PTPRD: variants seen among roughly 807,000 people sequenced by gnomAD.
PTPRD encodes receptor-type tyrosine-protein phosphatase delta.
Under a neutral mutation model 214.5 loss-of-function variants are expected in PTPRD, and 34 were observed. The ratio of observed to expected loss-of-function variants is 0.16; its 90% CI spans 0.12 to 0.21. The LOEUF is 0.21. PTPRD is among the 10% of genes least tolerant of loss of function. PTPRD has a pLI of 1.00. For synonymous variants in PTPRD, 1,128 were observed against 845.7 expected (o/e 1.33, Z -5.79); for missense variants, 2,545 against 2,398.7 (o/e 1.06, Z -1.27).
chr9:8,824,100 G>C (rs1158906252), intron 11 of PTPRD, among the ~76,000 whole-genome samples: 2 of 152,150 alleles, frequency 1.3e-5, no homozygotes, highest in Non-Finnish European at 2.9e-5. Context: ...GTTTTGGCTG[G>C]CTCCTTTACT....
chr9:10,396,739 A>G (rs1300583297), intron 2 of PTPRD, among the ~76,000 whole-genome samples: 1 of 152,014 alleles, frequency 6.6e-6, no homozygotes, highest in African/African-American at 2.4e-5. Context: ...AGTATACATA[A>G]CAATTGCCTG....
At chr9:9,409,643 A>T (rs1158114815) in intron 8 of PTPRD, among the ~76,000 whole-genome samples, 1 of 152,024 alleles carries the variant, frequency 6.6e-6, no homozygotes, top group Non-Finnish European at 1.5e-5. Context: ...AAGCAAAGGA[A>T]CCCACCATAA....
intron 5 of PTPRD, among the ~76,000 whole-genome samples, chr9:9,901,090 G>C (rs180997714): frequency 6.6e-6 from 1 of 152,264 alleles, no homozygotes; most frequent in Admixed American, 6.5e-5. Flanking sequence ...TCTTCAGAAA[G>C]CTTACAGTCA....
At chr9:8,958,505 G>T (rs777153876) in intron 11 of PTPRD, among the ~76,000 whole-genome samples, 1 of 151,922 alleles carries the variant, frequency 6.6e-6, no homozygotes, top group African/African-American at 2.4e-5. Flanking sequence ...GCAATGTGAT[G>T]GCCCAGAAGA....
intron 11 of PTPRD, among the ~76,000 whole-genome samples, chr9:8,929,872 T>C: frequency 1.2e-5 from 1 of 81,990 alleles, no homozygotes; most frequent in South Asian, 4.4e-4. Context: ...TATACATGTG[T>C]GTGTATATAT....
intron 4 of PTPRD, among the ~76,000 whole-genome samples, chr9:9,999,939 A>G (rs1170471595): frequency 1.3e-5 from 2 of 152,182 alleles, no homozygotes; most frequent in Non-Finnish European, 2.9e-5. Context: ...GTTTAGAGAA[A>G]GAATGTTTAG....
At position 10,136,450 on chromosome 9, in the gene PTPRD, G is replaced by T. The variant is rs373210069; in HGVS notation, c.-544-102660C>A. Among the ~76,000 whole-genome samples, 3 of 152,048 alleles carry T rather than the reference G, an allele frequency of 2.0e-5. No individual in the cohort carries two copies. In the East Asian group the frequency reaches 5.8e-4, roughly 29 times the overall value. ...TACACAGTCTTTTAATCTGCACTCA[G>T]AACATACTCTAAGATCAGTCACAGG... On this transcript the variant is annotated intron_variant, in intron 3 of 45. Transcript: ENST00000381196.
intron 3 of PTPRD, among the ~76,000 whole-genome samples, chr9:10,067,183 C>A (rs1008868306): frequency 6.6e-6 from 1 of 151,856 alleles, no homozygotes; most frequent in Non-Finnish European, 1.5e-5. Flanking sequence ...ATCCTATGTT[C>A]CTACCAATTT....
At chr9:9,678,300 G>C (rs1046609799) in intron 7 of PTPRD, among the ~76,000 whole-genome samples, 1 of 151,998 alleles carries the variant, frequency 6.6e-6, no homozygotes, top group Admixed American at 6.6e-5. Flanking sequence ...GAGGCATCAT[G>C]CTACCTGACT....
chr9:8,852,809 A>G (rs1347491806), intron 11 of PTPRD, among the ~76,000 whole-genome samples: 1 of 152,142 alleles, frequency 6.6e-6, no homozygotes, highest in Non-Finnish European at 1.5e-5. Context: ...TCAAAATGTC[A>G]TAGGCCAACT....
chr9:9,563,454 C>T (rs2083482140), intron 8 of PTPRD, among the ~76,000 whole-genome samples: 1 of 152,102 alleles, frequency 6.6e-6, no homozygotes, highest in Non-Finnish European at 1.5e-5. Flanking sequence ...TCACTCTCTC[C>T]TTATTTTATT....
chr9:9,502,972 A>T (rs1482103794), intron 8 of PTPRD, among the ~76,000 whole-genome samples: 1 of 151,802 alleles, frequency 6.6e-6, no homozygotes, highest in African/African-American at 2.4e-5. Context: ...AGTGATGGAA[A>T]TATCTTGTGT....
At chr9:8,766,256 G>A (rs535159817) in intron 11 of PTPRD, among the ~76,000 whole-genome samples, 5 of 151,704 alleles carry the variant, frequency 3.3e-5, no homozygotes, top group South Asian at 2.1e-4. Context: ...TACTCCCCAA[G>A]TATGCATGGG....
At chr9:8,513,655 A>C (rs1160044278) in intron 21 of PTPRD, among the ~76,000 whole-genome samples, 3 of 152,122 alleles carry the variant, frequency 2.0e-5, no homozygotes, top group Admixed American at 1.3e-4. Flanking sequence ...TTTATATCTC[A>C]TAATGGTTAT....
rs565638451 is a variant in PTPRD, at chr9:9,584,359, C to CATTATTATTATTATTATTATTATT, written c.-286-9579_-286-9578insAATAATAATAATAATAATAATAAT. On this transcript the variant is annotated intron_variant, in intron 7 of 45. Coordinates refer to ENST00000381196, the MANE Select transcript of PTPRD (RefSeq NM_002839.4). The stretch of plus-strand genomic sequence containing the variant: ...ACATTAAAACATTTTATTTCATCAC[C>CATTATTATTATTATTATTATTATT]ATTATTATTATTATTATTATTTGCT... 1.7e-3 allele frequency among the ~76,000 whole-genome samples: 258 copies of CATTATTATTATTATTATTATTATT among 149,206 alleles called. 1 individual carries two copies. Among genetic ancestry groups the CATTATTATTATTATTATTATTATT allele is most frequent in the African/African-American group, 6.1e-3 (246 of 40,608 alleles).
At chr9:8,931,814 G>A (rs776546328) in intron 11 of PTPRD, among the ~76,000 whole-genome samples, 87 of 152,118 alleles carry the variant, frequency 5.7e-4, no homozygotes, top group Non-Finnish European at 1.1e-3. Flanking sequence ...TTGGTTGGTA[G>A]GCTATTGACT....
intron 11 of PTPRD, among the ~76,000 whole-genome samples, chr9:8,805,778 G>A (rs1157118225): frequency 6.6e-6 from 1 of 151,252 alleles, no homozygotes; most frequent in Non-Finnish European, 1.5e-5. Context: ...GACGGATCAT[G>A]AGGTCAGGAG....
chr9:9,129,751 T>G (rs190302872), intron 10 of PTPRD, among the ~76,000 whole-genome samples: 3 of 152,314 alleles, frequency 2.0e-5, no homozygotes, highest in African/African-American at 7.2e-5. Context: ...ATATACTGTT[T>G]GACTACATCC....
intron 35 of PTPRD, among the ~76,000 whole-genome samples, chr9:8,417,194 A>G (rs1025592306): frequency 2.0e-5 from 3 of 152,154 alleles, no homozygotes; most frequent in Admixed American, 6.6e-5. Flanking sequence ...TTAGATTCTA[A>G]CATGACTCCT....
Sources: allele counts gnomAD v4.1 joint callset (sites outside exome capture counted in the v4.1 genomes callset), GRCh38; gene constraint gnomAD v4.1.1; transcripts MANE v1.5; gene names NCBI Gene and HGNC (gene_info 2026-07-23, HGNC 2026-07-21).